CAMK4: variants seen among roughly 807,000 people sequenced by gnomAD.
CAMK4 encodes calcium/calmodulin-dependent protein kinase type IV.
A neutral mutation model predicts 44.9 loss-of-function variants in CAMK4; 22 were observed. The observed-to-expected ratio is 0.49, with a 90% confidence interval of 0.35 to 0.70. The LOEUF (loss-of-function observed/expected upper bound fraction) is 0.70, where lower values mean the gene tolerates loss of function less well. Ranked by LOEUF, CAMK4 falls within the 30% of genes least tolerant of loss-of-function variation. The pLI, the probability that CAMK4 is intolerant of heterozygous loss-of-function variation, is 0.01. For missense variants in CAMK4, 498 were observed against 586.8 expected (o/e 0.85, Z 1.56); for synonymous variants, 218 against 215.4 (o/e 1.01, Z -0.11).
intron 5 of CAMK4, among the ~76,000 whole-genome samples, chr5:111,431,446 C>T (rs1158795495): frequency 6.6e-6 from 1 of 152,066 alleles, no homozygotes; most frequent in East Asian, 1.9e-4. Flanking sequence ...GGATATTGGT[C>T]TGGGCAAAGA....
At chr5:111,294,275 C>T (rs1421223400) in intron 1 of CAMK4, among the ~76,000 whole-genome samples, 1 of 152,138 alleles carries the variant, frequency 6.6e-6, no homozygotes, top group African/African-American at 2.4e-5. Flanking sequence ...TATAAAACTA[C>T]ACATATTCAC....
At chr5:111,297,465 G>A (rs887979451) in intron 1 of CAMK4, among the ~76,000 whole-genome samples, 9 of 152,134 alleles carry the variant, frequency 5.9e-5, no homozygotes, top group African/African-American at 1.9e-4. Flanking sequence ...TCAGTGTCCT[G>A]CTGAGCCATA....
chr5:111,414,916 T>C (rs1035744830), intron 5 of CAMK4, among the ~76,000 whole-genome samples: 2 of 152,216 alleles, frequency 1.3e-5, no homozygotes, highest in African/African-American at 4.8e-5. Context: ...AGAGATATTA[T>C]TTCCTCCCAA....
intron 5 of CAMK4, among the ~76,000 whole-genome samples, chr5:111,445,703 C>T (rs76659607): frequency 0.071 from 10,779 of 152,168 alleles, 1,030 homozygotes; most frequent in African/African-American, 0.22. Context: ...GCTGGTATTA[C>T]GGTCATGAGC....
chr5:111,371,793 C>T (rs560694198), intron 2 of CAMK4, among the ~76,000 whole-genome samples: 5 of 152,214 alleles, frequency 3.3e-5, no homozygotes, highest in African/African-American at 1.2e-4. Context: ...ATTATTTATC[C>T]CAGTTTCTAT....
intron 8 of CAMK4, among the ~76,000 whole-genome samples, chr5:111,475,284 T>C (rs1285091120): frequency 6.6e-6 from 1 of 152,174 alleles, no homozygotes; most frequent in Non-Finnish European, 1.5e-5. Context: ...ATACCCAATT[T>C]AGGTACCAGT....
chr5:111,362,275 G>A (rs985674412), intron 2 of CAMK4, among the ~76,000 whole-genome samples: 4 of 151,972 alleles, frequency 2.6e-5, no homozygotes, highest in Non-Finnish European at 5.9e-5. Flanking sequence ...TTTAAAAAAT[G>A]TACAGACAAG....
At chr5:111,457,186 A>ACTTAG (rs1754446138) in intron 7 of CAMK4, among the ~76,000 whole-genome samples, 1 of 152,226 alleles carries the variant, frequency 6.6e-6, no homozygotes, top group Non-Finnish European at 1.5e-5. Context: ...TTTTAACTTA[A>ACTTAG]TATTTTAATA....
chr5:111,466,093 A>G (rs1164105023), intron 7 of CAMK4, among the ~76,000 whole-genome samples: 1 of 152,232 alleles, frequency 6.6e-6, no homozygotes, highest in Non-Finnish European at 1.5e-5. Flanking sequence ...AATTAAAAAC[A>G]AAAATCACAT....
At chr5:111,284,610 A>G (rs1219424940) in intron 1 of CAMK4, among the ~76,000 whole-genome samples, 2 of 152,186 alleles carry the variant, frequency 1.3e-5, no homozygotes, top group African/African-American at 4.8e-5. Context: ...TGCTTAGTTT[A>G]GAGCTGCAAG....
chr5:111,364,329 T>G (rs1252872731), intron 2 of CAMK4, among the ~76,000 whole-genome samples: 1 of 152,140 alleles, frequency 6.6e-6, no homozygotes, highest in Non-Finnish European at 1.5e-5. Context: ...GTTCTTTTCC[T>G]CTTCTCCCTG....
At chr5:111,465,052 T>C (rs370011987) in intron 7 of CAMK4, among the ~76,000 whole-genome samples, 1 of 152,168 alleles carries the variant, frequency 6.6e-6, no homozygotes, top group East Asian at 1.9e-4. Flanking sequence ...CAGACATCTG[T>C]GCCTTGCAAC....
intron 1 of CAMK4, among the ~76,000 whole-genome samples, chr5:111,298,574 G>A (rs73786883): frequency 1.3e-5 from 2 of 152,238 alleles, no homozygotes; most frequent in Admixed American, 6.5e-5. Context: ...CCTGCATAAC[G>A]GGGAGCCACT....
At chr5:111,303,282 C>T (rs1395728570) in intron 1 of CAMK4, among the ~76,000 whole-genome samples, 2 of 134,938 alleles carry the variant, frequency 1.5e-5, no homozygotes, top group African/African-American at 3.0e-5. Context: ...AGGCTTCAGA[C>T]GATCAGATTA....
chr5:111,281,844 G>T (rs1263533057), intron 1 of CAMK4, among the ~76,000 whole-genome samples: 1 of 151,982 alleles, frequency 6.6e-6, no homozygotes, highest in Non-Finnish European at 1.5e-5. Flanking sequence ...GGATCACGAG[G>T]TCAGGAGATC....
intron 1 of CAMK4, among the ~76,000 whole-genome samples, chr5:111,270,784 G>T (rs552711240): frequency 2.0e-5 from 3 of 152,230 alleles, no homozygotes; most frequent in Non-Finnish European, 2.9e-5. Flanking sequence ...CCAGGCACTA[G>T]AACCTAGCAT....
intron 5 of CAMK4, among the ~76,000 whole-genome samples, chr5:111,434,943 T>C (rs892665775): frequency 1.3e-5 from 2 of 152,186 alleles, no homozygotes; most frequent in African/African-American, 4.8e-5. Context: ...TCCTGAGACA[T>C]TATCAATTAA....
At chr5:111,254,952 T>A (rs1414631683) in intron 1 of CAMK4, among the ~76,000 whole-genome samples, 2 of 151,926 alleles carry the variant, frequency 1.3e-5, no homozygotes, top group Non-Finnish European at 2.9e-5. Context: ...GGGGGAAATG[T>A]GAAGCACCTC....
intron 2 of CAMK4, chr5:111,358,077 A>T (rs753922076): frequency 8.5e-5 from 13 of 152,092 alleles, no homozygotes; most frequent in Non-Finnish European, 1.8e-4. Context: ...CTGATAAAGG[A>T]TGATTAAGCC....
Sources: allele counts gnomAD v4.1 joint callset (sites outside exome capture counted in the v4.1 genomes callset), GRCh38; gene constraint gnomAD v4.1.1; transcripts MANE v1.5; gene names NCBI Gene and HGNC (gene_info 2026-07-23, HGNC 2026-07-21).